TSHZ2: variants seen among roughly 807,000 people sequenced by gnomAD.
The protein encoded by TSHZ2 is teashirt homolog 2.
In TSHZ2, 21 loss-of-function variants were observed where a neutral mutation model predicts 74.4. The ratio of observed to expected loss-of-function variants is 0.28; its 90% CI spans 0.20 to 0.41. TSHZ2 has a LOEUF of 0.41. Among genes scored for constraint, TSHZ2 ranks in the 10% least tolerant of loss-of-function variants. The pLI is 1.00. For synonymous variants in TSHZ2, 540 were observed against 515.3 expected, an observed-to-expected ratio of 1.05 and a Z score of -0.65; for missense variants, 1,244 against 1,293.5, an observed-to-expected ratio of 0.96 and a Z score of 0.59.
chr20:53,307,095 T>C (rs1978575283), intron 2 of TSHZ2, among the ~76,000 whole-genome samples: 1 of 151,916 alleles, frequency 6.6e-6, no homozygotes, highest in South Asian at 2.1e-4. Context: ...TACTGGGAAA[T>C]GAACAAAGTG....
At chr20:53,026,968 C>T (rs950335914) in intron 1 of TSHZ2, among the ~76,000 whole-genome samples, 32 of 151,752 alleles carry the variant, frequency 2.1e-4, no homozygotes, top group African/African-American at 7.7e-4. Flanking sequence ...TTTATAAAGA[C>T]AGCGAGACCC....
chr20:53,106,907 G>T (rs981111854), intron 1 of TSHZ2, among the ~76,000 whole-genome samples: 30 of 150,028 alleles, frequency 2.0e-4, no homozygotes, highest in Non-Finnish European at 2.1e-4. Context: ...CTTATTGGCC[G>T]GGGTGATCTT....
At chr20:52,983,015 C>A (rs1192238801) in intron 1 of TSHZ2, among the ~76,000 whole-genome samples, 3 of 152,180 alleles carry the variant, frequency 2.0e-5, no homozygotes, top group Non-Finnish European at 4.4e-5. Context: ...ACTTACCCAG[C>A]CCCTAGTGAT....
intron 1 of TSHZ2, among the ~76,000 whole-genome samples, chr20:53,157,868 G>A (rs1568787245): frequency 6.6e-6 from 1 of 152,128 alleles, no homozygotes; most frequent in Non-Finnish European, 1.5e-5. Flanking sequence ...GCAATAAAGA[G>A]TAGTAAAGGT....
chr20:53,396,150 G>T (rs1370192895), intron 2 of TSHZ2, among the ~76,000 whole-genome samples: 2 of 152,176 alleles, frequency 1.3e-5, no homozygotes, highest in Non-Finnish European at 1.5e-5. Context: ...TGTTAGCCAG[G>T]ATAGTCTCTA....
At chr20:53,054,209 C>T (rs59349615) in intron 1 of TSHZ2, among the ~76,000 whole-genome samples, 13,563 of 152,210 alleles carry the variant, frequency 0.089, 1,655 homozygotes, top group African/African-American at 0.27. Context: ...GATGCAGCCA[C>T]GGTCCAACTT....
intron 2 of TSHZ2, among the ~76,000 whole-genome samples, chr20:53,317,545 A>G (rs896956548): frequency 2.6e-5 from 4 of 152,192 alleles, no homozygotes; most frequent in Non-Finnish European, 4.4e-5. Context: ...CTGAAAATGC[A>G]CAAATGCCAG....
intron 2 of TSHZ2, among the ~76,000 whole-genome samples, chr20:53,268,138 A>G (rs1990756560): frequency 6.6e-6 from 1 of 152,172 alleles, no homozygotes; most frequent in African/African-American, 2.4e-5. Flanking sequence ...ATTGCATAAA[A>G]AAGGCAGGGG....
intron 1 of TSHZ2, among the ~76,000 whole-genome samples, chr20:53,154,297 ATTTT>A (rs1291655186): frequency 2.0e-5 from 3 of 149,046 alleles, no homozygotes; most frequent in Non-Finnish European, 3.0e-5. Flanking sequence ...ACCAAAAAAA[ATTTT>A]TTTAAGAAGT....
At chr20:53,280,138 C>T (rs1162067053) in intron 2 of TSHZ2, among the ~76,000 whole-genome samples, 2 of 152,162 alleles carry the variant, frequency 1.3e-5, no homozygotes, top group African/African-American at 2.4e-5. Flanking sequence ...GAATGGATTG[C>T]ACACAGGACA....
intron 1 of TSHZ2, among the ~76,000 whole-genome samples, chr20:53,204,095 G>GATACTATATC (rs1568810750): frequency 5.6e-5 from 5 of 89,616 alleles, no homozygotes; most frequent in Non-Finnish European, 1.4e-4. Flanking sequence ...ATCATCATAT[G>GATACTATATC]ATGATATGAT....
chr20:53,377,125 T>G (rs1724820562), intron 2 of TSHZ2, among the ~76,000 whole-genome samples: 1 of 152,190 alleles, frequency 6.6e-6, no homozygotes, highest in Non-Finnish European at 1.5e-5. Flanking sequence ...CAAACATGTA[T>G]AGTTTGAACA....
chr20:53,106,982 G>C (rs1348211253), intron 1 of TSHZ2, among the ~76,000 whole-genome samples: 1 of 152,144 alleles, frequency 6.6e-6, no homozygotes, highest in Non-Finnish European at 1.5e-5. Context: ...ACAGGCGTGA[G>C]CCACCGCGCC....
chr20:53,329,654 G>A (rs549553168), intron 2 of TSHZ2, among the ~76,000 whole-genome samples: 2 of 152,146 alleles, frequency 1.3e-5, no homozygotes, highest in South Asian at 4.2e-4. Flanking sequence ...TAATGGTTGT[G>A]GGGGGCGGGG....
rs571001120 is a variant in TSHZ2, at chr20:53,289,675, A to C, written c.*8+33104A>C. Among the ~76,000 whole-genome samples the C allele has an allele frequency of 2.6e-5, 4 of 152,306 alleles. 1 individual carries two copies. The East Asian group carries it at 7.7e-4, about 29-fold the overall frequency. Reference sequence around the variant, plus strand: ...GCTATTTTAGAGACATGGTTTAGGGAAAGCTTGTCTGAGAAAGGGATGTCT... The same window carrying C: ...GCTATTTTAGAGACATGGTTTAGGGCAAGCTTGTCTGAGAAAGGGATGTCT... On this transcript the variant is annotated intron_variant, in intron 2 of 2. Transcript: ENST00000371497.
intron 2 of TSHZ2, among the ~76,000 whole-genome samples, chr20:53,391,479 G>GTTT (rs764256107): frequency 7.1e-5 from 10 of 141,210 alleles, no homozygotes; most frequent in African/African-American, 2.3e-4. Context: ...TTTTGTTTTT[G>GTTT]TTTTTTTTTT....
intron 2 of TSHZ2, among the ~76,000 whole-genome samples, chr20:53,415,469 C>G (rs1305206875): frequency 1.3e-5 from 2 of 152,010 alleles, no homozygotes; most frequent in African/African-American, 4.8e-5. Context: ...CCTTCTTCCT[C>G]TTCCTCCAGG....
intron 2 of TSHZ2, among the ~76,000 whole-genome samples, chr20:53,464,550 C>T (rs1345476574): frequency 6.6e-6 from 1 of 152,124 alleles, no homozygotes; most frequent in Non-Finnish European, 1.5e-5. Context: ...GCAGCCTCTA[C>T]CTCCCAGCTC....
intron 1 of TSHZ2, among the ~76,000 whole-genome samples, chr20:53,013,359 T>C (rs913510017): frequency 6.6e-6 from 1 of 152,194 alleles, no homozygotes; most frequent in South Asian, 2.1e-4. Flanking sequence ...TCGAGCATTT[T>C]TTTTTTATCA....
Sources: gnomAD v4.1 joint callset for allele counts (sites outside exome capture counted in the v4.1 genomes callset) on GRCh38, gnomAD v4.1.1 for gene constraint, MANE v1.5 for transcripts, NCBI Gene and HGNC (gene_info 2026-07-23, HGNC 2026-07-21) for gene names.